Variants in MYO3B observed in about 807,000 individuals in gnomAD.
The protein encoded by MYO3B is myosin-IIIb.
In MYO3B, 156 loss-of-function variants were observed where a neutral mutation model predicts 174.6. That is an observed-to-expected ratio of 0.89 (90% CI 0.78 to 1.02). The LOEUF (loss-of-function observed/expected upper bound fraction) is 1.02. Ranked by LOEUF, MYO3B falls within the 50% of genes least tolerant of loss-of-function variation. The pLI is 0.00. For synonymous variants in MYO3B, 563 were observed against 569.1 expected (o/e 0.99, Z 0.15); for missense variants, 1,632 against 1,639.4 (o/e 1.00, Z 0.08).
chr2:170,497,718 G>C (rs1013305189), intron 25 of MYO3B, among the ~76,000 whole-genome samples: 1 of 152,042 alleles, frequency 6.6e-6, no homozygotes, highest in Admixed American at 6.5e-5. Flanking sequence ...GAATTGGTAC[G>C]CATTTCTCTT....
chr2:170,366,967 C>A (rs2094203733), intron 8 of MYO3B, among the ~76,000 whole-genome samples: 1 of 152,198 alleles, frequency 6.6e-6, no homozygotes, highest in South Asian at 2.1e-4. Context: ...ACCCAAAGGA[C>A]CTTGTTTTCA....
chr2:170,469,072 G>A (rs1684814627), intron 25 of MYO3B, among the ~76,000 whole-genome samples: 2 of 152,098 alleles, frequency 1.3e-5, no homozygotes, highest in East Asian at 1.9e-4. Context: ...GGAGGCGGAG[G>A]TTGCAGTGAG....
rs1300306830 is a variant in MYO3B, at chr2:170,499,765, G to T, written c.3246G>T (p.Arg1082Ser). 1.2e-6 allele frequency: 2 copies of T among 1,613,918 alleles called. No individual in the cohort carries two copies. The highest frequency in any genetic ancestry group is 8.5e-7 in the Non-Finnish European group (1 of 1,179,934). The change falls in exon 27 of 35, where the codon AGG becomes AGT. Residue 1082 changes from arginine to serine, a missense_variant. Coordinates refer to ENST00000408978, the MANE Select transcript of MYO3B (RefSeq NM_138995.5). ...KGWLGARRYK[R>S]VREKREKGAI... ...GGCTTGGAGCCAGGAGATACAAAAG[G>T]GTCAGAGAGAAGAGAGAGAAGGGAG...
At chr2:170,412,701 A>G (rs996780762) in intron 22 of MYO3B, among the ~76,000 whole-genome samples, 30 of 152,208 alleles carry the variant, frequency 2.0e-4, no homozygotes, top group African/African-American at 7.0e-4. Context: ...GCCTTTTGGT[A>G]TCCATCTCTC....
chr2:170,400,950 C>T (rs1176617737), intron 17 of MYO3B, among the ~76,000 whole-genome samples: 1 of 151,822 alleles, frequency 6.6e-6, no homozygotes, highest in African/African-American at 2.4e-5. Context: ...AAAAAATCAT[C>T]TACAAACTGA....
chr2:170,390,163 G>A (rs957489495), intron 14 of MYO3B, among the ~76,000 whole-genome samples: 1 of 152,094 alleles, frequency 6.6e-6, no homozygotes, highest in African/African-American at 2.4e-5. Context: ...TAAGGGCTGG[G>A]CACAGTGGCT....
intron 7 of MYO3B, among the ~76,000 whole-genome samples, chr2:170,251,445 T>A (rs549861309): frequency 1.3e-5 from 2 of 152,318 alleles, no homozygotes; most frequent in South Asian, 2.1e-4. Context: ...ATTGAAGTCC[T>A]AATCCCCAGT....
At chr2:170,532,960 A>G (rs1254771667) in intron 30 of MYO3B, among the ~76,000 whole-genome samples, 1 of 152,200 alleles carries the variant, frequency 6.6e-6, no homozygotes, top group Non-Finnish European at 1.5e-5. Flanking sequence ...TGAGGAATAT[A>G]TAGGATTCCT....
chr2:170,577,268 A>T (rs1443850448), intron 32 of MYO3B, among the ~76,000 whole-genome samples: 1 of 152,182 alleles, frequency 6.6e-6, no homozygotes, highest in Non-Finnish European at 1.5e-5. Flanking sequence ...ATTAGCTCTG[A>T]TTTATCATTT....
intron 32 of MYO3B, among the ~76,000 whole-genome samples, chr2:170,595,801 T>A (rs1322980507): frequency 6.6e-6 from 1 of 152,162 alleles, no homozygotes; most frequent in Non-Finnish European, 1.5e-5. Flanking sequence ...GCATGCCATC[T>A]GTGCCTTCGT....
At chr2:170,442,899 T>C (rs1025310325) in intron 22 of MYO3B, among the ~76,000 whole-genome samples, 11 of 152,200 alleles carry the variant, frequency 7.2e-5, no homozygotes, top group Non-Finnish European at 1.6e-4. Context: ...ATCCAGTCTT[T>C]CATTGATGGA....
At chr2:170,401,792 CTT>C in intron 18 of MYO3B, 101 bp downstream of exon 18, 3 of 802,984 alleles carry the variant, frequency 3.7e-6, no homozygotes, top group Non-Finnish European at 5.5e-6. Flanking sequence ...CTGGGATTTT[CTT>C]TCTTTTTCTT....
At chr2:170,282,615 A>AGGGTT (rs1028301491) in intron 7 of MYO3B, among the ~76,000 whole-genome samples, 4 of 151,848 alleles carry the variant, frequency 2.6e-5, no homozygotes, top group Middle Eastern at 3.2e-3. Flanking sequence ...CATAAATTTT[A>AGGGTT]GGGTTTTTTT....
chr2:170,316,822 G>A (rs1224274652), intron 7 of MYO3B, among the ~76,000 whole-genome samples: 1 of 152,206 alleles, frequency 6.6e-6, no homozygotes, highest in African/African-American at 2.4e-5. Flanking sequence ...GTGAGGTGCT[G>A]TGAGCATGCC....
At chr2:170,400,829 G>GGTTTTTTTTTT (rs60401794) in intron 17 of MYO3B, among the ~76,000 whole-genome samples, 1 of 150,892 alleles carries the variant, frequency 6.6e-6, no homozygotes, top group Non-Finnish European at 1.5e-5. Flanking sequence ...TTTGAGCAGT[G>GGTTTTTTTTTT]TTTTTTTCTT....
intron 23 of MYO3B, among the ~76,000 whole-genome samples, chr2:170,448,812 AT>A (rs1201151102): frequency 6.6e-6 from 1 of 151,672 alleles, no homozygotes; most frequent in Non-Finnish European, 1.5e-5. Flanking sequence ...TTGAAGTATA[AT>A]TTTTCTCTCA....
chr2:170,626,859 A>T (rs540317567), intron 32 of MYO3B, among the ~76,000 whole-genome samples: 1 of 152,320 alleles, frequency 6.6e-6, no homozygotes, highest in Admixed American at 6.5e-5. Context: ...TTTCTTTAGG[A>T]ATGTTGAATA....
At chr2:170,184,982 A>G (rs2092445429) in intron 1 of MYO3B, among the ~76,000 whole-genome samples, 1 of 152,076 alleles carries the variant, frequency 6.6e-6, no homozygotes, top group African/African-American at 2.4e-5. Context: ...CATTTTTGAG[A>G]AATATCTGTT....
intron 24 of MYO3B, among the ~76,000 whole-genome samples, chr2:170,463,735 G>A (rs571465922): frequency 6.6e-6 from 1 of 152,284 alleles, no homozygotes; most frequent in South Asian, 2.1e-4. Flanking sequence ...AGTTCCAGAA[G>A]GTGGCTTATA....
Sources: allele counts gnomAD v4.1 joint callset (sites outside exome capture counted in the v4.1 genomes callset), GRCh38; gene constraint gnomAD v4.1.1; transcripts MANE v1.5; gene names NCBI Gene and HGNC (gene_info 2026-07-23, HGNC 2026-07-21).